PDE2A: variants seen among roughly 807,000 people sequenced by gnomAD.
The protein encoded by PDE2A is phosphodiesterase 2A, also known as cGMP-dependent 3',5'-cyclic phosphodiesterase.
In PDE2A, 53 loss-of-function variants were observed where a neutral mutation model predicts 133.6. That is an observed-to-expected ratio of 0.40 (90% CI 0.32 to 0.50). The LOEUF (loss-of-function observed/expected upper bound fraction) is 0.50. Among genes scored for constraint, PDE2A ranks in the 20% least tolerant of loss-of-function variants. The probability of loss-of-function intolerance (pLI) is 0.73; values close to 1 mark genes in which losing one functional copy is unlikely to be tolerated. For missense variants in PDE2A, 796 were observed against 1,232.4 expected, an observed-to-expected ratio of 0.65 and a Z score of 5.30; for synonymous variants, 491 against 490.2, an observed-to-expected ratio of 1.00 and a Z score of -0.02.
At chr11:72,650,219 C>T (rs893073896) in intron 1 of PDE2A, among the ~76,000 whole-genome samples, 1 of 152,088 alleles carries the variant, frequency 6.6e-6, no homozygotes, top group Non-Finnish European at 1.5e-5. Flanking sequence ...GGCAGGGTTT[C>T]ACCATGTTGG....
intron 2 of PDE2A, among the ~76,000 whole-genome samples, chr11:72,634,643 T>C (rs11235555): frequency 0.2 from 30,372 of 152,144 alleles, 3,712 homozygotes; most frequent in African/African-American, 0.35. Context: ...CTGGCCTGGG[T>C]GCCAAGGCAT....
At chr11:72,580,799 C>G (rs775815505) in intron 24 of PDE2A, 87 bp downstream of exon 24, 5 of 1,010,922 alleles carry the variant, frequency 4.9e-6, no homozygotes, top group Non-Finnish European at 7.9e-6. Flanking sequence ...TGGTCTCACT[C>G]GCTCCCACCC....
chr11:72,668,347 A>G (rs1404631907), intron 1 of PDE2A: 3 of 718,812 alleles, frequency 4.2e-6, no homozygotes, highest in African/African-American at 1.7e-5. Flanking sequence ...TTCATCCAGA[A>G]AACAGCAGTC....
intron 27 of PDE2A, 117 bp downstream of exon 27, chr11:72,579,167 G>T: frequency 1.0e-6 from 1 of 962,012 alleles, no homozygotes; most frequent in Non-Finnish European, 1.7e-6. Context: ...GGGCCGTGCA[G>T]CCAGAGAAGG....
At chr11:72,647,756 C>CCTTAGGCTG (rs1859168541) in intron 1 of PDE2A, among the ~76,000 whole-genome samples, 1 of 152,204 alleles carries the variant, frequency 6.6e-6, no homozygotes, top group Non-Finnish European at 1.5e-5. Context: ...GGTGAGCCAC[C>CCTTAGGCTG]CTTAGGCTGC....
intron 1 of PDE2A, among the ~76,000 whole-genome samples, chr11:72,659,057 T>C (rs1854978359): frequency 6.6e-6 from 1 of 151,950 alleles, no homozygotes; most frequent in Non-Finnish European, 1.5e-5. Context: ...TGCAGGTGGA[T>C]GTTATTGTGC....
chr11:72,671,956 T>C (rs1855394929), intron 1 of PDE2A, among the ~76,000 whole-genome samples: 1 of 151,984 alleles, frequency 6.6e-6, no homozygotes, highest in Non-Finnish European at 1.5e-5. Flanking sequence ...TACTGAGATG[T>C]CTGCACTACA....
At chr11:72,585,031 C>T (rs1411915804) in intron 16 of PDE2A, 87 bp from the exon 17 acceptor site, 29 of 1,354,968 alleles carry the variant, frequency 2.1e-5, no homozygotes, top group Non-Finnish European at 3.1e-5. Context: ...GGCCGGATTT[C>T]CGAGGCCTGG....
chr11:72,640,741 C>T (rs1393170902), intron 2 of PDE2A, among the ~76,000 whole-genome samples: 1 of 152,190 alleles, frequency 6.6e-6, no homozygotes, highest in Non-Finnish European at 1.5e-5. Context: ...CAGCCAGTAA[C>T]ACACACAACT....
chr11:72,579,056 C>T, intron 27 of PDE2A, 47 bp from the exon 28 acceptor site: 1 of 1,396,344 alleles, frequency 7.2e-7, no homozygotes, highest in Non-Finnish European at 1.0e-6. Flanking sequence ...AGCCTCTTTG[C>T]CCTTCTGAGG....
At chr11:72,653,743 G>A (rs1250032955) in intron 1 of PDE2A, among the ~76,000 whole-genome samples, 1 of 152,230 alleles carries the variant, frequency 6.6e-6, no homozygotes, top group African/African-American at 2.4e-5. Flanking sequence ...CTGGGCCCCT[G>A]CTCCTTAGTC....
At chr11:72,628,685 A>G (rs117176738) in intron 2 of PDE2A, among the ~76,000 whole-genome samples, 6,434 of 152,336 alleles carry the variant, frequency 0.042, 195 homozygotes, top group Non-Finnish European at 0.062. Context: ...CAGGCTGGTT[A>G]AGTGACAGGC....
At chr11:72,642,476 GCCCCGGCCCGCCCCCCGCCCGC>G (rs1859002179) in intron 1 of PDE2A, 150 bp from the exon 2 acceptor site, 4 of 668,348 alleles carry the variant, frequency 6.0e-6, no homozygotes, top group East Asian at 2.4e-4. Context: ...CCCCGGCCCC[GCCCCGGCCCGCCCCCCGCCCGC>G]CCCCGGCCCG....
rs770912033 is a variant in PDE2A at position 72,580,914 on chromosome 11, C to A, written c.2105G>T (p.Gly702Val). The A allele has an allele frequency of 6.2e-7, 1 of 1,612,138 alleles. No homozygotes were observed. Among genetic ancestry groups the A allele is most frequent in the Non-Finnish European group, 8.5e-7 (1 of 1,178,238 alleles). ...GGCCACCTGGAAAGAGTTGTTTGTG[C>A]CTCTGTGGTCCAGGTCATGACACAT... Reference protein sequence around the residue: ...SCMCHDLDHRGTNNSFQVASK... With the variant: ...SCMCHDLDHRVTNNSFQVASK... The change falls in exon 24 of 31, where the codon GGC (glycine) becomes GTC (valine). Residue 702 changes from glycine to valine, a missense_variant. By Grantham distance (109) the Gly-to-Val change is moderately radical. Coordinates refer to ENST00000334456, the MANE Select transcript of PDE2A (RefSeq NM_002599.5).
rs920109628 is a variant in PDE2A at position 72,604,042 on chromosome 11, C to T, written c.323+1096G>A. Among the ~76,000 whole-genome samples the T allele has an allele frequency of 3.3e-5, 5 of 152,240 alleles. No homozygotes were observed. In the East Asian group the frequency reaches 9.6e-4, roughly 29 times the overall value. On this transcript the variant is annotated intron_variant, in intron 4 of 30. Transcript: ENST00000334456. The stretch of plus-strand genomic sequence containing the variant: ...AAAGCCACATCCCTGGACCACCTGG[C>T]CTGCTGGAAAAGCCCTCCTCACAGG...
chr11:72,659,129 G>A (rs908010082), intron 1 of PDE2A, among the ~76,000 whole-genome samples: 1 of 151,764 alleles, frequency 6.6e-6, no homozygotes. Context: ...CCAAGCCCAC[G>A]TGCTGGCAAC....
rs537388482 is a variant in PDE2A at position 72,619,368 on chromosome 11, T to C, written c.145-10617A>G. 1.2e-3 allele frequency among the ~76,000 whole-genome samples: 176 copies of C among 152,314 alleles called. 3 individuals are homozygous for C. Among genetic ancestry groups the C allele is most frequent in the Non-Finnish European group, 1.3e-3 (86 of 68,026 alleles). On this transcript the variant is annotated intron_variant, in intron 2 of 30. Coordinates refer to ENST00000334456, the MANE Select transcript of PDE2A (RefSeq NM_002599.5). ...CCTAAGCATGTGTGCAGCCTGCCCA[T>C]TAATGGTCCATAGTGGCGAGCCCCT... is the stretch of plus-strand genomic sequence containing the variant.
At chr11:72,596,036 G>C (rs1172622371) in intron 6 of PDE2A, among the ~76,000 whole-genome samples, 1 of 152,156 alleles carries the variant, frequency 6.6e-6, no homozygotes, top group Non-Finnish European at 1.5e-5. Context: ...CCCTGGGTCT[G>C]GCTGGCCTGA....
chr11:72,671,776 T>C (rs1855391690), intron 1 of PDE2A, among the ~76,000 whole-genome samples: 1 of 152,152 alleles, frequency 6.6e-6, no homozygotes, highest in Non-Finnish European at 1.5e-5. Context: ...CAAAGGGTAG[T>C]GATGAAGCCA....
Sources: gnomAD v4.1 joint callset for allele counts (sites outside exome capture counted in the v4.1 genomes callset) on GRCh38, gnomAD v4.1.1 for gene constraint, MANE v1.5 for transcripts, NCBI Gene and HGNC (gene_info 2026-07-23, HGNC 2026-07-21) for gene names.